Variants in CHD6 observed in about 807,000 individuals in gnomAD.
The protein encoded by CHD6 is ATP-dependent chromatin remodeler CHD6.
CHD6 carries 50 observed loss-of-function variants against 276.9 expected under a neutral mutation model. That is an observed-to-expected ratio of 0.18 (90% CI 0.14 to 0.23). The LOEUF (loss-of-function observed/expected upper bound fraction) is 0.23. Among genes scored for constraint, CHD6 ranks in the 10% least tolerant of loss-of-function variants. The pLI is 1.00. For synonymous variants in CHD6, 1,173 were observed against 1,229.3 expected, an observed-to-expected ratio of 0.95 and a Z score of 0.96; for missense variants, 2,564 against 3,365.8, an observed-to-expected ratio of 0.76 and a Z score of 5.89.
intron 1 of CHD6, among the ~76,000 whole-genome samples, chr20:41,586,762 T>C (rs2045599691): frequency 6.6e-6 from 1 of 152,176 alleles, no homozygotes; most frequent in East Asian, 1.9e-4. Flanking sequence ...ACAAAAAGCA[T>C]GTAACAAAAT....
chr20:41,469,143 C>T (rs1289894690), intron 17 of CHD6, among the ~76,000 whole-genome samples: 1 of 152,188 alleles, frequency 6.6e-6, no homozygotes, highest in Non-Finnish European at 1.5e-5. Context: ...GGCCTGTCTC[C>T]TCACTCTGGA....
At chr20:41,539,834 A>G (rs2044906604) in intron 2 of CHD6, among the ~76,000 whole-genome samples, 1 of 152,226 alleles carries the variant, frequency 6.6e-6, no homozygotes, top group Non-Finnish European at 1.5e-5. Flanking sequence ...TTAAATTAAT[A>G]GTACACCCAT....
chr20:41,515,081 A>C (rs563236646), intron 3 of CHD6, 129 bp from the exon 4 acceptor site: 1 of 907,432 alleles, frequency 1.1e-6, no homozygotes, highest in East Asian at 2.4e-5. Context: ...GGAATCTACA[A>C]GAGTTTCTTC....
chr20:41,445,369 T>G lies in CHD6; in HGVS notation c.3877+296A>C, dbSNP rs16985781. ...ACTATGTGCCATGCACTGGGACTAT[T>G]AGAGGCAGTCCCATATCCGACAGCA... On this transcript the variant is annotated intron_variant, in intron 25 of 36. Coordinates refer to ENST00000373233, the MANE Select transcript of CHD6 (RefSeq NM_032221.5). Among the ~76,000 whole-genome samples, 56 of 152,326 alleles carry G rather than the reference T, an allele frequency of 3.7e-4. 2 individuals carry two copies. In the East Asian group the frequency reaches 4.4e-3, roughly 12 times the overall value.
Position 41,412,193 on chromosome 20 carries a change from A to T in CHD6, c.7202T>A (p.Leu2401Gln). The T allele has an allele frequency of 6.2e-7, 1 of 1,614,210 alleles. No individual in the cohort carries two copies. Among genetic ancestry groups the T allele is most frequent in the Non-Finnish European group, 8.5e-7 (1 of 1,180,016 alleles). ...GGCAGGAACTCTCTCTTCCCCGCTC[A>T]GGGAGCTGACATCTAATTTTCCAGG... ...KEPGKLDVSS[L>Q]SGEERVPAIP... Residue 2401 changes from leucine to glutamine, a missense_variant, in exon 36 of 37, where the codon CTG becomes CAG. This residue lies in a region of CHD6 where 1,024 missense variants were observed against 1,047.9 expected (regional missense o/e 0.98). Transcript: ENST00000373233.
intron 1 of CHD6, among the ~76,000 whole-genome samples, chr20:41,555,136 G>A (rs1366403457): frequency 6.3e-5 from 9 of 141,892 alleles, no homozygotes; most frequent in Non-Finnish European, 9.2e-5. Flanking sequence ...TCCCCGACGG[G>A]GCGGCTGGCC....
chr20:41,404,098 T>C lies in CHD6; in HGVS notation c.*495A>G. ...TACTCACTTAGTAATCATGATAAAA[T>C]AGGGAAATATTTTAACTCAAAAATA... On this transcript the variant is annotated 3_prime_UTR_variant, in exon 37 of 37. Transcript: ENST00000373233. The C allele has an allele frequency of 9.5e-7, 1 of 1,051,904 alleles. No homozygotes were observed. The highest frequency in any genetic ancestry group is 1.1e-6 in the Non-Finnish European group (1 of 870,936). 65.2% of individuals were successfully genotyped at this position (1,051,904 alleles called of 1,614,324 possible).
intron 36 of CHD6, among the ~76,000 whole-genome samples, chr20:41,407,765 G>T (rs933595798): frequency 6.6e-6 from 1 of 152,208 alleles, no homozygotes; most frequent in African/African-American, 2.4e-5. Context: ...CAGCAGCGAG[G>T]GGAACGGCTG....
rs781315224 is a variant in CHD6, at chr20:41,421,907, C to G, written c.4728G>C (p.Glu1576Asp). The G allele has an allele frequency of 6.2e-7, 1 of 1,614,172 alleles. No homozygotes were observed. The highest frequency in any genetic ancestry group is 2.2e-5 in the East Asian group (1 of 44,866). ...RPSLYLPVWWECGKHDRDLLI... is the reference protein window; with the variant it reads ...RPSLYLPVWWDCGKHDRDLLI... ...GCAGGTCTCGATCATGCTTCCCACACTCCCACCAGACTGGGAGGTAGAGGC... is the reference window on the plus strand; with the variant it reads ...GCAGGTCTCGATCATGCTTCCCACAGTCCCACCAGACTGGGAGGTAGAGGC... Residue 1576 changes from glutamate to aspartate, a missense_variant, in exon 31 of 37, where the codon GAG becomes GAC. Coordinates refer to ENST00000373233, the MANE Select transcript of CHD6 (RefSeq NM_032221.5).
At chr20:41,588,348 C>T (rs556960892) in intron 1 of CHD6, among the ~76,000 whole-genome samples, 4 of 152,294 alleles carry the variant, frequency 2.6e-5, no homozygotes, top group African/African-American at 7.2e-5. Flanking sequence ...GGTGGCTCTG[C>T]TGTATGGTCT....
At chr20:41,556,268 G>A (rs1283058019) in intron 1 of CHD6, among the ~76,000 whole-genome samples, 1 of 151,026 alleles carries the variant, frequency 6.6e-6, no homozygotes. Context: ...GAGGGAGACC[G>A]TGGGGAGACG....
intron 1 of CHD6, 30 bp from the exon 2 acceptor site, chr20:41,551,390 TATG>T: frequency 1.9e-6 from 2 of 1,048,738 alleles, no homozygotes; most frequent in Non-Finnish European, 2.9e-6. Flanking sequence ...AGGCAAAGAT[TATG>T]ACAAAACCCA....
intron 27 of CHD6, among the ~76,000 whole-genome samples, chr20:41,437,028 A>G (rs764222581): frequency 3.9e-5 from 6 of 152,234 alleles, no homozygotes; most frequent in Non-Finnish European, 8.8e-5. Context: ...TAAAAGGTAT[A>G]TGCGATTTCT....
intron 3 of CHD6, among the ~76,000 whole-genome samples, chr20:41,532,021 T>C (rs1178407211): frequency 6.6e-6 from 1 of 152,224 alleles, no homozygotes; most frequent in Admixed American, 6.5e-5. Context: ...TTCCTTAAGA[T>C]AGGAGTCATG....
intron 24 of CHD6, among the ~76,000 whole-genome samples, chr20:41,446,110 T>TGG (rs2048060353): frequency 6.6e-6 from 1 of 152,214 alleles, no homozygotes; most frequent in African/African-American, 2.4e-5. Context: ...GCAAAGGCCA[T>TGG]TGATATATTG....
intron 16 of CHD6, among the ~76,000 whole-genome samples, chr20:41,476,313 A>G (rs2043166630): frequency 6.6e-6 from 1 of 152,094 alleles, no homozygotes; most frequent in South Asian, 2.1e-4. Context: ...GTCACTATCA[A>G]ATACTATCAA....
intron 24 of CHD6, among the ~76,000 whole-genome samples, chr20:41,446,935 C>T (rs1304208370): frequency 6.6e-6 from 1 of 152,224 alleles, no homozygotes; most frequent in East Asian, 1.9e-4. Context: ...TGCCAGGTAA[C>T]ACTTGATGGA....
At chr20:41,599,500 G>C (rs1254197846) in intron 1 of CHD6, among the ~76,000 whole-genome samples, 2 of 152,016 alleles carry the variant, frequency 1.3e-5, no homozygotes, top group Admixed American at 1.3e-4. Flanking sequence ...ACCATACCTC[G>C]TATTTGTGGA....
In CHD6 at chr20:41,420,911, G is replaced by A. The variant is rs148568652; in HGVS notation, c.5724C>T (p.Phe1908=). 1 of 1,614,048 alleles carries A rather than the reference G, an allele frequency of 6.2e-7. No individual in the cohort carries two copies. The highest frequency in any genetic ancestry group is 8.5e-7 in the Non-Finnish European group (1 of 1,180,042). ...AGCTTCCTTTCTTGGTTTCATCTTG[G>A]AAGCCTTGGTTCTTTTCCCTTGAGA... ...TNISREKNQG[F]QDETKKGSLE... Residue 1908 remains phenylalanine (F), a synonymous_variant, in exon 31 of 37, where the codon TTC becomes TTT. Coordinates refer to ENST00000373233, the MANE Select transcript of CHD6 (RefSeq NM_032221.5).
Sources: gnomAD v4.1 joint callset for allele counts (sites outside exome capture counted in the v4.1 genomes callset) on GRCh38, gnomAD v4.1.1 for gene constraint, gnomAD v4.1.1 regional missense constraint, MANE v1.5 for transcripts, NCBI Gene and HGNC (gene_info 2026-07-23, HGNC 2026-07-21) for gene names.